The following BRSK2 variants were observed in gnomAD, a reference collection of about 807,000 sequenced individuals.
The protein encoded by BRSK2 is serine/threonine-protein kinase BRSK2.
A neutral mutation model predicts 83.3 loss-of-function variants in BRSK2; 19 were observed. The ratio of observed to expected loss-of-function variants is 0.23; its 90% CI spans 0.16 to 0.33. BRSK2 has a LOEUF of 0.33. BRSK2 is among the 10% of genes least tolerant of loss of function. BRSK2 has a pLI of 1.00. For synonymous variants in BRSK2, 519 were observed against 435.4 expected (o/e 1.19, Z -2.39); for missense variants, 798 against 1,042.3 (o/e 0.77, Z 3.23).
intron 19 of BRSK2, 139 bp downstream of exon 19, chr11:1,459,378 C>G: frequency 1.1e-6 from 1 of 911,830 alleles, no homozygotes. Flanking sequence ...CCAGATGTCC[C>G]CGGCCCCATC....
chr11:1,443,700 CTG>C lies in BRSK2; in HGVS notation c.780+72_780+73del, dbSNP rs573609779. 5.7e-4 allele frequency: 837 copies of C among 1,465,946 alleles called. 6 individuals carry two copies. In the African/African-American group the frequency reaches 0.011, roughly 19 times the overall value. The allele number at this position is 1,465,946 out of a possible 1,614,324, so 90.8% of individuals were successfully genotyped here. On this transcript the variant is annotated intron_variant, in intron 8 of 19. Coordinates refer to ENST00000528841, the MANE Select transcript of BRSK2 (RefSeq NM_001256627.2). Reference sequence around the variant, plus strand: ...GGGGGGCGCGGGGGCGGGCGTGTGCCTGTGTGTGCACAGGTGTGTGCCCAGAC... The same window carrying C: ...GGGGGGCGCGGGGGCGGGCGTGTGCCTGTGTGCACAGGTGTGTGCCCAGAC...
At chr11:1,457,079 G>A (rs1456900246) in intron 18 of BRSK2, 2 of 1,530,062 alleles carry the variant, frequency 1.3e-6, no homozygotes, top group East Asian at 2.4e-5. Flanking sequence ...CTGGGGCGGG[G>A]AGGGGCTGCG....
At chr11:1,397,989 C>T (rs1256616612) in intron 1 of BRSK2, among the ~76,000 whole-genome samples, 1 of 152,204 alleles carries the variant, frequency 6.6e-6, no homozygotes, top group Non-Finnish European at 1.5e-5. Context: ...CGGCCCCGGG[C>T]AGAGGTGGGA....
intron 8 of BRSK2, among the ~76,000 whole-genome samples, chr11:1,444,109 A>C (rs1389977955): frequency 1.3e-5 from 2 of 152,040 alleles, no homozygotes; most frequent in Non-Finnish European, 2.9e-5. Context: ...GGCTGTGTGC[A>C]CATGTAGGTG....
At chr11:1,410,341 T>C (rs1208768844) in intron 1 of BRSK2, 1 of 250,692 alleles carries the variant, frequency 4.0e-6, no homozygotes, top group Admixed American at 2.3e-4. Flanking sequence ...TTTGGGGGGG[T>C]TTGTGACGTC....
chr11:1,390,188 C>T lies in BRSK2; in HGVS notation c.-97C>T. The T allele has an allele frequency of 5.1e-6, 3 of 586,654 alleles. No individual in the cohort carries two copies. Among genetic ancestry groups the T allele is most frequent in the Non-Finnish European group, 6.4e-6 (3 of 469,738 alleles). 36.3% of individuals were successfully genotyped at this position (586,654 alleles called of 1,614,324 possible). A position where few individuals can be genotyped will look rare whatever the true frequency, so the allele number is the denominator to read the frequency against. On this transcript the variant is annotated 5_prime_UTR_variant, in exon 1 of 20. Coordinates refer to ENST00000528841, the MANE Select transcript of BRSK2 (RefSeq NM_001256627.2). The surrounding 1 kb of genome is among the most constrained non-coding windows in gnomAD (Gnocchi z 6.8). Reference sequence around the variant, plus strand: ...GCCCGCGGGGGCGCCCCGGCCGGGTCGGCGCGGACGGCACTCGGCGGACGC... The same window carrying T: ...GCCCGCGGGGGCGCCCCGGCCGGGTTGGCGCGGACGGCACTCGGCGGACGC...
chr11:1,425,425 TGTG>T (rs201570768), intron 1 of BRSK2, among the ~76,000 whole-genome samples: 3,583 of 152,242 alleles, frequency 0.024, 56 homozygotes, highest in Non-Finnish European at 0.033. Context: ...GTGGTGTCCT[TGTG>T]GTCTGTGGAT....
At position 1,454,658 on chromosome 11, in the gene BRSK2, C is replaced by A. The variant is rs369648950; in HGVS notation, c.1668+50C>A. 248 of 1,601,826 alleles carry A rather than the reference C, an allele frequency of 1.5e-4. No homozygotes were observed. Among genetic ancestry groups the A allele is most frequent in the Non-Finnish European group, 1.7e-4 (201 of 1,174,692 alleles). ...GGCGGGCAGCCCTCCCAACCCCACA[C>A]GGCCCAGCCCCGAGAATCCAGCCTC... On this transcript the variant is annotated intron_variant, in intron 16 of 19. Transcript: ENST00000528841. The surrounding 1 kb of genome is among the most constrained non-coding windows in gnomAD (Gnocchi z 5.2).
intron 1 of BRSK2, among the ~76,000 whole-genome samples, chr11:1,434,636 G>C (rs1232056001): frequency 6.8e-6 from 1 of 146,088 alleles, no homozygotes; most frequent in Non-Finnish European, 1.5e-5. Context: ...GTGTCTGGGG[G>C]CACCCAGGAG....
chr11:1,424,172 G>A (rs900048541), intron 1 of BRSK2, among the ~76,000 whole-genome samples: 31 of 152,104 alleles, frequency 2.0e-4, no homozygotes, highest in African/African-American at 3.6e-4. Flanking sequence ...TGGACCCCTC[G>A]GCACCCCTGT....
chr11:1,454,507 G>A lies in BRSK2; in HGVS notation c.1567G>A (p.Gly523Arg). 1 of 1,613,196 alleles carries A rather than the reference G, an allele frequency of 6.2e-7. No homozygotes were observed. Among genetic ancestry groups the A allele is most frequent in the East Asian group, 2.2e-5 (1 of 44,874 alleles). Reference sequence around the variant, plus strand: ...CAGGCTGGCGAAGAAGTCCTGGTTTGGGAACTTCATCAGCCTGGAGAAGGA... The same window carrying A: ...CAGGCTGGCGAAGAAGTCCTGGTTTAGGAACTTCATCAGCCTGGAGAAGGA... Reference protein sequence around the residue: ...SPELAKKSWFGNFISLEKEEQ... With the variant: ...SPELAKKSWFRNFISLEKEEQ... Residue 523 changes from glycine to arginine, a missense_variant, in exon 16 of 20, where the codon GGG (glycine) becomes AGG (arginine). Coordinates refer to ENST00000528841, the MANE Select transcript of BRSK2 (RefSeq NM_001256627.2). The surrounding 1 kb of genome is among the most constrained non-coding windows in gnomAD (Gnocchi z 5.2).
intron 3 of BRSK2, 100 bp from the exon 4 acceptor site, chr11:1,440,688 G>T (rs1022561748): frequency 4.5e-5 from 65 of 1,447,026 alleles, no homozygotes; most frequent in Middle Eastern, 4.8e-4. Context: ...GGGGCGGCCT[G>T]CAGAGAGGCT....
At chr11:1,400,308 T>A (rs930924983) in intron 1 of BRSK2, among the ~76,000 whole-genome samples, 3 of 152,140 alleles carry the variant, frequency 2.0e-5, no homozygotes, top group African/African-American at 7.2e-5. Context: ...GGCCCGGGCA[T>A]GGGGTGGGCC....
chr11:1,392,843 G>A (rs1845811956), intron 1 of BRSK2, among the ~76,000 whole-genome samples: 1 of 152,172 alleles, frequency 6.6e-6, no homozygotes, highest in Admixed American at 6.5e-5. Flanking sequence ...GTGGCTGTAG[G>A]GTCGTCCTTC....
At chr11:1,393,276 G>T (rs763019009) in intron 1 of BRSK2, among the ~76,000 whole-genome samples, 3 of 152,082 alleles carry the variant, frequency 2.0e-5, no homozygotes, top group Admixed American at 6.5e-5. Context: ...CCATCAGTAC[G>T]TGGAGCAGGG....
In BRSK2 at chr11:1,460,986, T is replaced by TTAACATGTCACCTCCACG; in HGVS notation, c.*264_*281dup. 1.2e-6 allele frequency: 2 copies of TTAACATGTCACCTCCACG among 1,612,428 alleles called. No homozygotes were observed. Among genetic ancestry groups the TTAACATGTCACCTCCACG allele is most frequent in the Non-Finnish European group, 1.7e-6 (2 of 1,179,418 alleles). On this transcript the variant is annotated 3_prime_UTR_variant, in exon 20 of 20. Transcript: ENST00000528841. ...TGATACCAGGAATTATCCCGAAAAG[T>TTAACATGTCACCTCCACG]TAACATGTCACCTCCACGAGGCCAT...
At position 1,460,568 on chromosome 11, in the gene BRSK2, G is replaced by A. The variant is rs1278422157; in HGVS notation, c.2056G>A (p.Ala686Thr). Residue 686 changes from alanine (A) to threonine (T), a missense_variant, in exon 20 of 20, where the codon GCC becomes ACC. Around this residue, in one of 6 missense-constraint regions of BRSK2, gnomAD observed 455 missense variants for 455.2 expected, o/e 1.00. Coordinates refer to ENST00000528841, the MANE Select transcript of BRSK2 (RefSeq NM_001256627.2). ...TTCAGACGAGAAGAACGGGCAGGCG[G>A]CCCAGGCCCCCAGCACGCCCGCCAA... Reference protein sequence around the residue: ...LFSDEKNGQAAQAPSTPAKRS... With the variant: ...LFSDEKNGQATQAPSTPAKRS... 5.9e-6 allele frequency: 9 copies of A among 1,531,096 alleles called. No homozygotes were observed. Among genetic ancestry groups the A allele is most frequent in the South Asian group, 1.2e-5 (1 of 83,646 alleles). 94.8% of individuals were successfully genotyped at this position (1,531,096 alleles called of 1,614,324 possible).
At chr11:1,446,403 T>TTTGGCTGAGCCGAGCCAGGCTGGGC (rs1852133782) in intron 12 of BRSK2, among the ~76,000 whole-genome samples, 1 of 135,704 alleles carries the variant, frequency 7.4e-6, no homozygotes, top group Non-Finnish European at 1.6e-5. Flanking sequence ...CTAAACTGGA[T>TTTGGCTGAGCCGAGCCAGGCTGGGC]TTGGCTGAGC....
intron 1 of BRSK2, among the ~76,000 whole-genome samples, chr11:1,404,633 G>GTGGC (rs1458120686): frequency 6.6e-6 from 1 of 152,198 alleles, no homozygotes; most frequent in Non-Finnish European, 1.5e-5. Context: ...GGTTCCTGAT[G>GTGGC]TGGCCCCTGC....
Sources: gnomAD v4.1 joint callset for allele counts (sites outside exome capture counted in the v4.1 genomes callset) on GRCh38, gnomAD v4.1.1 for gene constraint, gnomAD v4.1.1 regional missense constraint, Gnocchi (gnomAD v3.1) non-coding constraint, MANE v1.5 for transcripts, NCBI Gene and HGNC (gene_info 2026-07-23, HGNC 2026-07-21) for gene names.